Variants in DGLUCY observed in about 807,000 individuals in gnomAD.
DGLUCY encodes D-glutamate cyclase, mitochondrial.
DGLUCY carries 58 observed loss-of-function variants against 58.5 expected under a neutral mutation model. The observed-to-expected ratio is 0.99, with a 90% CI of 0.80 to 1.23. DGLUCY has a LOEUF of 1.23. Ranked by LOEUF, DGLUCY falls within the 50% of genes most tolerant of loss-of-function variation. DGLUCY has a pLI of 0.00. For synonymous variants in DGLUCY, 325 were observed against 314.1 expected (o/e 1.03, Z -0.37); for missense variants, 779 against 784.7 (o/e 0.99, Z 0.09).
chr14:91,205,618 TG>T (rs1270233930), intron 12 of DGLUCY, among the ~76,000 whole-genome samples: 1 of 152,122 alleles, frequency 6.6e-6, no homozygotes, highest in Non-Finnish European at 1.5e-5. Flanking sequence ...CCCAGTGGTC[TG>T]GGGGCCCTCG....
intron 13 of DGLUCY, among the ~76,000 whole-genome samples, chr14:91,219,708 G>A (rs1170004636): frequency 6.6e-6 from 1 of 152,218 alleles, no homozygotes; most frequent in Non-Finnish European, 1.5e-5. Context: ...GCACCTTAAA[G>A]TGAGGGAGAG....
intron 12 of DGLUCY, among the ~76,000 whole-genome samples, chr14:91,212,022 C>G (rs1490270450): frequency 6.6e-6 from 1 of 152,152 alleles, no homozygotes; most frequent in Non-Finnish European, 1.5e-5. Context: ...ACACTGGTCT[C>G]GAACTCCTGA....
intron 12 of DGLUCY, among the ~76,000 whole-genome samples, chr14:91,213,529 TATTA>T (rs1388664012): frequency 8.5e-5 from 13 of 152,276 alleles, no homozygotes; most frequent in Middle Eastern, 3.4e-3. Context: ...TGTAAGATAC[TATTA>T]ATTATAAGAT....
At position 91,189,023 on chromosome 14, in the gene DGLUCY, C is replaced by G; in HGVS notation, c.1048C>G (p.His350Asp). Reference sequence around the variant, plus strand: ...CACTGGGTTCCCCACACATTTCAATCATGAGCCTCCAGAAGAGACAGATGG... The same window carrying G: ...CACTGGGTTCCCCACACATTTCAATGATGAGCCTCCAGAAGAGACAGATGG... ...ITTGFPTHFN[H>D]EPPEETDGPP... Residue 350 changes from histidine (H) to aspartate (D), a missense_variant, in exon 9 of 14, where the codon CAT becomes GAT. His to Asp is a moderately conservative substitution (Grantham distance 81). Transcript: ENST00000256324. 2 of 1,614,220 alleles carry G rather than the reference C, an allele frequency of 1.2e-6. No homozygotes were observed. The highest frequency in any genetic ancestry group is 1.7e-6 in the Non-Finnish European group (2 of 1,180,032).
At chr14:91,176,086 C>A in intron 7 of DGLUCY, 30 bp downstream of exon 7, 5 of 1,612,488 alleles carry the variant, frequency 3.1e-6, no homozygotes, top group Non-Finnish European at 4.2e-6. Flanking sequence ...GACAATCGAT[C>A]TGCCCTAGGA....
Position 91,074,105 on chromosome 14 carries a change from AT to A in DGLUCY, c.-82+13402del, listed in dbSNP as rs1472346568. On this transcript the variant is annotated intron_variant, in intron 1 of 4. Coordinates refer to the DGLUCY transcript ENST00000521334. ...ACCTCATCTCTACCAAAAAAAAAAA[AT>A]ATATATATATATACACACACACACA... Among the ~76,000 whole-genome samples, 858 of 94,746 alleles carry A rather than the reference AT, an allele frequency of 9.1e-3. 6 individuals carry two copies. Among genetic ancestry groups the A allele is most frequent in the African/African-American group, 0.026 (604 of 23,360 alleles). 62.2% of individuals were successfully genotyped at this position (94,746 alleles called of 152,430 possible). A position where few individuals can be genotyped will look rare whatever the true frequency, so the allele number is the denominator to read the frequency against.
At chr14:91,060,448 T>C in exon 1 of DGLUCY, 2 of 1,449,118 alleles carry the variant, frequency 1.4e-6, no homozygotes, top group African/African-American at 1.5e-5. Context: ...CTCCTTTTTT[T>C]CCGATCCCGC....
intron 13 of DGLUCY, among the ~76,000 whole-genome samples, chr14:91,218,049 C>G (rs1179726728): frequency 6.6e-6 from 1 of 152,192 alleles, no homozygotes; most frequent in Non-Finnish European, 1.5e-5. Context: ...TGACTCCATT[C>G]TCTGTGCTTT....
intron 1 of DGLUCY, among the ~76,000 whole-genome samples, chr14:91,100,042 T>G (rs2044459657): frequency 9.2e-6 from 1 of 108,128 alleles, no homozygotes; most frequent in African/African-American, 3.8e-5. Flanking sequence ...GCAACAAGAG[T>G]GAAACTCTGT....
chr14:91,062,833 A>G (rs2043755734), intron 1 of DGLUCY, among the ~76,000 whole-genome samples: 1 of 151,888 alleles, frequency 6.6e-6, no homozygotes, highest in Non-Finnish European at 1.5e-5. Flanking sequence ...TTCTCCTGCA[A>G]AAGTCATGTG....
upstream of DGLUCY, among the ~76,000 whole-genome samples, chr14:91,107,130 A>G (rs2044606589): frequency 6.6e-6 from 1 of 152,204 alleles, no homozygotes; most frequent in South Asian, 2.1e-4. Flanking sequence ...CAAGCGAGCT[A>G]AAACATTTCA....
At chr14:91,188,377 C>T (rs2140497263) in intron 8 of DGLUCY, among the ~76,000 whole-genome samples, 1 of 152,288 alleles carries the variant, frequency 6.6e-6, no homozygotes, top group South Asian at 2.1e-4. Context: ...GGCTCCTCAG[C>T]CATTTACCCC....
At chr14:91,120,744 C>T (rs1466758681) in intron 1 of DGLUCY, among the ~76,000 whole-genome samples, 1 of 152,152 alleles carries the variant, frequency 6.6e-6, no homozygotes, top group East Asian at 1.9e-4. Context: ...TCTTTCGTTG[C>T]ACCTTTTGCA....
At chr14:91,206,773 TGAAGA>T (rs1884774951) in intron 12 of DGLUCY, among the ~76,000 whole-genome samples, 2 of 152,114 alleles carry the variant, frequency 1.3e-5, no homozygotes, top group Admixed American at 1.3e-4. Context: ...AAACACAATT[TGAAGA>T]GAAGTTACAA....
intron 3 of DGLUCY, among the ~76,000 whole-genome samples, chr14:91,162,997 C>G (rs1595805192): frequency 6.6e-6 from 1 of 152,106 alleles, no homozygotes; most frequent in East Asian, 1.9e-4. Context: ...ACGGCTCACA[C>G]CTGTAATCCC....
intron 1 of DGLUCY, among the ~76,000 whole-genome samples, chr14:91,081,274 AAC>A (rs2044123264): frequency 6.6e-6 from 1 of 152,240 alleles, no homozygotes; most frequent in Admixed American, 6.5e-5. Context: ...GTTCTACACA[AAC>A]AAGTACAAGT....
Position 91,196,388 on chromosome 14 carries a change from G to T in DGLUCY, c.1209G>T (p.Thr403=), listed in dbSNP as rs139055044. The T allele has an allele frequency of 3.7e-6, 6 of 1,613,876 alleles. No homozygotes were observed. The highest frequency in any genetic ancestry group is 1.1e-5 in the South Asian group (1 of 91,078). Residue 403 remains threonine, a synonymous_variant, in exon 10 of 14, where the codon ACG becomes ACT. Transcript: ENST00000256324. ...EDAVEQGVLK[T]QIPILTYQGG... is the part of the protein sequence containing the mutation. The stretch of plus-strand genomic sequence containing the variant: ...TTTATTTTCAAGGTGTTCTGAAGAC[G>T]CAGATCCCGATATTAACTTACCAAG...
intron 9 of DGLUCY, among the ~76,000 whole-genome samples, chr14:91,194,626 C>T (rs956496404): frequency 2.0e-5 from 3 of 151,632 alleles, no homozygotes; most frequent in Admixed American, 6.6e-5. Flanking sequence ...CTGCAACCTC[C>T]GACTCCCGGG....
intron 2 of DGLUCY, among the ~76,000 whole-genome samples, chr14:91,159,526 C>T (rs755864292): frequency 1.5e-4 from 23 of 152,104 alleles, no homozygotes; most frequent in Non-Finnish European, 2.6e-4. Context: ...GATTTGAGAC[C>T]ACCTCTATTT....
Sources: allele counts gnomAD v4.1 joint callset (sites outside exome capture counted in the v4.1 genomes callset), GRCh38; gene constraint gnomAD v4.1.1; transcripts MANE v1.5; gene names NCBI Gene and HGNC (gene_info 2026-07-23, HGNC 2026-07-21).